TNIK: variants seen among roughly 807,000 people sequenced by gnomAD.
TNIK encodes TRAF2 and NCK-interacting protein kinase.
TNIK carries 49 observed loss-of-function variants against 191.3 expected under a neutral mutation model. The ratio of observed to expected loss-of-function variants is 0.26; its 90% CI spans 0.20 to 0.32. TNIK has a LOEUF of 0.32. Among genes scored for constraint, TNIK ranks in the 10% least tolerant of loss-of-function variants. TNIK has a pLI of 1.00. For missense variants in TNIK, 1,155 were observed against 1,702.3 expected, an observed-to-expected ratio of 0.68 and a Z score of 5.66; for synonymous variants, 594 against 600.9, an observed-to-expected ratio of 0.99 and a Z score of 0.17.
chr3:171,226,288 G>A (rs760016508), intron 3 of TNIK, among the ~76,000 whole-genome samples: 15 of 152,128 alleles, frequency 9.9e-5, no homozygotes, highest in Non-Finnish European at 1.9e-4. Context: ...CACTGGAAGG[G>A]GCTCATTTGT....
At chr3:171,369,575 GA>G in intron 2 of TNIK, 44 bp downstream of exon 2, 2 of 1,502,658 alleles carry the variant, frequency 1.3e-6, no homozygotes, top group Non-Finnish European at 1.8e-6. Context: ...TGTCATTCAT[GA>G]ACTGAAACCG....
intron 2 of TNIK, among the ~76,000 whole-genome samples, chr3:171,285,802 C>T (rs941025588): frequency 6.6e-6 from 1 of 152,174 alleles, no homozygotes; most frequent in African/African-American, 2.4e-5. Flanking sequence ...TTTTTAACTG[C>T]CATCTCGCCA....
intron 12 of TNIK, among the ~76,000 whole-genome samples, chr3:171,142,799 T>C (rs971796679): frequency 9.2e-5 from 14 of 152,192 alleles, no homozygotes; most frequent in Non-Finnish European, 1.6e-4. Flanking sequence ...AAAATAATTA[T>C]GTGTACAGAT....
chr3:171,260,376 T>TC (rs965826456), intron 2 of TNIK, among the ~76,000 whole-genome samples: 2 of 152,180 alleles, frequency 1.3e-5, no homozygotes, highest in African/African-American at 4.8e-5. Context: ...ACTGTGCTTT[T>TC]CCCAGTGTCA....
At chr3:171,215,602 C>T (rs865890246) in intron 3 of TNIK, among the ~76,000 whole-genome samples, 6 of 152,268 alleles carry the variant, frequency 3.9e-5, no homozygotes, top group Middle Eastern at 3.4e-3. Context: ...AAACCAAAGT[C>T]GTTAATCGGA....
chr3:171,173,941 T>A (rs1054367302), intron 9 of TNIK, among the ~76,000 whole-genome samples: 4 of 151,962 alleles, frequency 2.6e-5, no homozygotes, highest in African/African-American at 9.7e-5. Context: ...GGTGTTGGGG[T>A]GCTTTGCCGA....
At chr3:171,446,648 G>A (rs1035708475) in intron 1 of TNIK, among the ~76,000 whole-genome samples, 1 of 152,106 alleles carries the variant, frequency 6.6e-6, no homozygotes, top group Non-Finnish European at 1.5e-5. Flanking sequence ...TTCTCCATTA[G>A]AATCTTAAAA....
chr3:171,378,927 C>T (rs1384641576), intron 1 of TNIK, among the ~76,000 whole-genome samples: 1 of 152,094 alleles, frequency 6.6e-6, no homozygotes. Context: ...TTGATTTCAC[C>T]CTTTAGTAAA....
At chr3:171,178,200 G>C (rs191249374) in intron 7 of TNIK, among the ~76,000 whole-genome samples, 1 of 152,170 alleles carries the variant, frequency 6.6e-6, no homozygotes, top group South Asian at 2.1e-4. Flanking sequence ...AAATACCTGA[G>C]AGTGGAATGG....
chr3:171,394,575 G>A (rs923747843), intron 1 of TNIK, among the ~76,000 whole-genome samples: 2 of 152,172 alleles, frequency 1.3e-5, no homozygotes, highest in Admixed American at 1.3e-4. Context: ...TGGAGTTGAA[G>A]ATCAAAACAT....
At chr3:171,160,406 G>A (rs1309330124) in intron 11 of TNIK, among the ~76,000 whole-genome samples, 4 of 151,880 alleles carry the variant, frequency 2.6e-5, no homozygotes, top group African/African-American at 9.7e-5. Flanking sequence ...TCCCTCAGTG[G>A]TACAGGAACT....
In TNIK at chr3:171,138,596, G is replaced by C. The variant is rs186788383; in HGVS notation, c.1420-217C>G. Reference sequence around the variant, plus strand: ...CAAGAATGTGTCATTTAATGAAAACGCTATTGCTTTAAAATGGCAATCCCT... The same window carrying C: ...CAAGAATGTGTCATTTAATGAAAACCCTATTGCTTTAAAATGGCAATCCCT... On this transcript the variant is annotated intron_variant, in intron 14 of 32. Transcript: ENST00000436636. Among the ~76,000 whole-genome samples the C allele has an allele frequency of 7.9e-5, 12 of 152,140 alleles. No individual in the cohort carries two copies. In the South Asian group the frequency reaches 2.3e-3, roughly 29 times the overall value.
chr3:171,317,862 A>G (rs1249424893), intron 2 of TNIK, among the ~76,000 whole-genome samples: 1 of 152,144 alleles, frequency 6.6e-6, no homozygotes, highest in Non-Finnish European at 1.5e-5. Flanking sequence ...TTCCTATTCC[A>G]TGGCACTTTG....
At chr3:171,289,097 T>C (rs1751387761) in intron 2 of TNIK, among the ~76,000 whole-genome samples, 2 of 152,108 alleles carry the variant, frequency 1.3e-5, no homozygotes, top group African/African-American at 4.8e-5. Flanking sequence ...TCAAGAGGCA[T>C]AAGGGAAGCT....
intron 1 of TNIK, among the ~76,000 whole-genome samples, chr3:171,405,656 C>T (rs920404866): frequency 6.6e-6 from 1 of 152,118 alleles, no homozygotes; most frequent in Non-Finnish European, 1.5e-5. Context: ...GGTTATGATG[C>T]TTATGACCAA....
At position 171,131,549 on chromosome 3, in the gene TNIK, A is replaced by G. The variant is rs1729292318; in HGVS notation, c.1609-2671T>C. Among the ~76,000 whole-genome samples the G allele has an allele frequency of 2.0e-5, 3 of 152,200 alleles. No individual in the cohort carries two copies. In the South Asian group the frequency reaches 6.2e-4, roughly 32 times the overall value. On this transcript the variant is annotated intron_variant, in intron 15 of 32. Coordinates refer to ENST00000436636, the MANE Select transcript of TNIK (RefSeq NM_015028.4). ...TCAGTCGGTACCATTCTAAAAATAT[A>G]TGGCATAAGTAATTGTTACACTTTG...
intron 4 of TNIK, among the ~76,000 whole-genome samples, chr3:171,195,709 C>T (rs1738597326): frequency 6.6e-6 from 1 of 152,028 alleles, no homozygotes; most frequent in South Asian, 2.1e-4. Context: ...GTTTCCAAAG[C>T]CTGTTCTGAC....
intron 24 of TNIK, among the ~76,000 whole-genome samples, chr3:171,087,036 G>A (rs1235279630): frequency 6.6e-6 from 1 of 152,136 alleles, no homozygotes; most frequent in South Asian, 2.1e-4. Context: ...CAGAACTGGA[G>A]GTCCCAGTTC....
rs909735122 is a variant in TNIK at position 171,184,697 on chromosome 3, C to T, written c.639+4005G>A. On this transcript the variant is annotated intron_variant, in intron 7 of 32. Coordinates refer to ENST00000436636, the MANE Select transcript of TNIK (RefSeq NM_015028.4). ...TTGTCCTCTCAGGTGACACCCTGCA[C>T]GGCGGAAACTCTACCACTAGTTAGG... 1.1e-4 allele frequency among the ~76,000 whole-genome samples: 17 copies of T among 152,196 alleles called. 1 individual carries two copies. The highest frequency in any genetic ancestry group is 2.2e-4 in the Non-Finnish European group (15 of 68,040).
Sources: gnomAD v4.1 joint callset for allele counts (sites outside exome capture counted in the v4.1 genomes callset) on GRCh38, gnomAD v4.1.1 for gene constraint, MANE v1.5 for transcripts, NCBI Gene and HGNC (gene_info 2026-07-23, HGNC 2026-07-21) for gene names.